NECAP1: variants seen among roughly 807,000 people sequenced by gnomAD.
The protein encoded by NECAP1 is NECAP endocytosis associated 1.
A neutral mutation model predicts 33.4 loss-of-function variants in NECAP1; 13 were observed. The ratio of observed to expected loss-of-function variants is 0.39; its 90% CI spans 0.25 to 0.62. The LOEUF (loss-of-function observed/expected upper bound fraction) is 0.62, where lower values mean the gene tolerates loss of function less well. NECAP1 is among the 20% of genes least tolerant of loss of function. NECAP1 has a pLI of 0.52. For synonymous variants in NECAP1, 109 were observed against 125.2 expected (o/e 0.87, Z 0.86); for missense variants, 272 against 347.4 (o/e 0.78, Z 1.73).
chr12:8,082,426 A>G, intron 1 of NECAP1, 43 bp downstream of exon 1: 1 of 1,550,964 alleles, frequency 6.4e-7, no homozygotes, highest in East Asian at 2.3e-5. Flanking sequence ...ACTCTGTCGC[A>G]GATGACAGCT....
chr12:8,090,182 T>G lies in NECAP1; in HGVS notation c.197-13T>G. On this transcript the variant is annotated splice_polypyrimidine_tract_variant and intron_variant, in intron 2 of 7. Transcript: ENST00000339754. Reference sequence around the variant, plus strand: ...CTTGCTTTACTCAAAAAAGTCTTTCTCTTATCTGTCAGGGGAGCTCTTTGC... The same window carrying G: ...CTTGCTTTACTCAAAAAAGTCTTTCGCTTATCTGTCAGGGGAGCTCTTTGC... 1.9e-6 allele frequency: 3 copies of G among 1,613,856 alleles called. No homozygotes were observed. Among genetic ancestry groups the G allele is most frequent in the Non-Finnish European group, 1.7e-6 (2 of 1,179,730 alleles).
At chr12:8,094,091 C>T (rs1217157233) in intron 6 of NECAP1, among the ~76,000 whole-genome samples, 1 of 152,146 alleles carries the variant, frequency 6.6e-6, no homozygotes, top group Non-Finnish European at 1.5e-5. Context: ...TTGGACAGTG[C>T]AGATAATTTG....
chr12:8,088,209 A>G (rs1254200245), intron 1 of NECAP1, among the ~76,000 whole-genome samples: 2 of 151,846 alleles, frequency 1.3e-5, no homozygotes, highest in Non-Finnish European at 2.9e-5. Context: ...TCTTTCTTGA[A>G]CTCGTCTCAT....
rs542267270 is a variant in NECAP1, at chr12:8,090,749, C to T, written c.301+450C>T. On this transcript the variant is annotated intron_variant, in intron 3 of 7. Coordinates refer to ENST00000339754, the MANE Select transcript of NECAP1 (RefSeq NM_015509.4). ...CTTGAATTGGGGAAGTGGAGGTTGC[C>T]GAGATCACGCCATTGCACTCCAGCC... 16 of 156,520 alleles carry T rather than the reference C, an allele frequency of 1.0e-4. No homozygotes were observed. In the South Asian group the frequency reaches 2.5e-3, roughly 25 times the overall value. 9.7% of individuals were successfully genotyped at this position (156,520 alleles called of 1,614,324 possible).
In NECAP1 at chr12:8,090,195, G is replaced by T; in HGVS notation, c.197G>T (p.Gly66Val). 6.2e-7 allele frequency: 1 copy of T among 1,614,024 alleles called. No homozygotes were observed. The highest frequency in any genetic ancestry group is 8.5e-7 in the Non-Finnish European group (1 of 1,179,948). The part of the protein sequence containing the change: ...AYIKLEDKVS[G>V]ELFAQAPVEQ... Reference sequence around the variant, plus strand: ...AAAAAGTCTTTCTCTTATCTGTCAGGGGAGCTCTTTGCTCAGGCACCAGTA... The same window carrying T: ...AAAAAGTCTTTCTCTTATCTGTCAGTGGAGCTCTTTGCTCAGGCACCAGTA... The change falls in exon 3 of 8, where the codon GGG (glycine) becomes GTG (valine). Residue 66 changes from glycine to valine, a missense_variant and splice_region_variant. By Grantham distance (109) the Gly-to-Val change is moderately radical (BLOSUM62 -3). Transcript: ENST00000339754.
intron 1 of NECAP1, among the ~76,000 whole-genome samples, chr12:8,085,244 T>C (rs1388428373): frequency 6.6e-6 from 1 of 152,216 alleles, no homozygotes; most frequent in Non-Finnish European, 1.5e-5. Flanking sequence ...GGTCTCAAAC[T>C]CTTGACCTCG....
At chr12:8,086,646 A>T (rs1250607777) in intron 1 of NECAP1, among the ~76,000 whole-genome samples, 1 of 152,044 alleles carries the variant, frequency 6.6e-6, no homozygotes, top group Non-Finnish European at 1.5e-5. Context: ...ACAAATGCTT[A>T]GAAAACAATC....
At chr12:8,082,495 G>C in intron 1 of NECAP1, 112 bp downstream of exon 1, 1 of 946,162 alleles carries the variant, frequency 1.1e-6, no homozygotes, top group South Asian at 1.5e-5. Flanking sequence ...TTGTCACCTT[G>C]CTAGCCTCCC....
chr12:8,091,655 A>G (rs1947545227), intron 3 of NECAP1, 114 bp from the exon 4 acceptor site: 2 of 847,160 alleles, frequency 2.4e-6, no homozygotes. Context: ...CTCGTGTGCA[A>G]CTCACCTCCT....
chr12:8,089,703 T>G, intron 1 of NECAP1: 4 of 485,454 alleles, frequency 8.2e-6, no homozygotes, highest in Middle Eastern at 5.5e-4. Context: ...TTTTCCATCT[T>G]TTTAATGATG....
At chr12:8,086,951 A>G (rs1235796959) in intron 1 of NECAP1, among the ~76,000 whole-genome samples, 1 of 151,804 alleles carries the variant, frequency 6.6e-6, no homozygotes, top group Non-Finnish European at 1.5e-5. Flanking sequence ...ACACACACAC[A>G]CACACACACA....
At chr12:8,092,840 C>T in intron 5 of NECAP1, 32 bp from the exon 6 acceptor site, 4 of 1,581,342 alleles carry the variant, frequency 2.5e-6, no homozygotes, top group Non-Finnish European at 3.4e-6. Context: ...CCTATGACAT[C>T]TTTCTCTTGC....
Position 8,097,637 on chromosome 12 carries a change from G to A in NECAP1, c.*1547G>A, listed in dbSNP as rs1698953138. On this transcript the variant is annotated 3_prime_UTR_variant, in exon 8 of 8. Transcript: ENST00000339754. ...TATTTTCTCAATCTTCCTCCATGTT[G>A]TGTTCTTTGTATTCTTGAGATGATA... 1 of 152,502 alleles carries A rather than the reference G, an allele frequency of 6.6e-6. No homozygotes were observed. Among genetic ancestry groups the A allele is most frequent in the African/African-American group, 2.4e-5 (1 of 41,400 alleles). 9.4% of individuals were successfully genotyped at this position (152,502 alleles called of 1,614,324 possible).
chr12:8,087,297 A>G (rs1947500398), intron 1 of NECAP1, among the ~76,000 whole-genome samples: 1 of 151,828 alleles, frequency 6.6e-6, no homozygotes, highest in Non-Finnish European at 1.5e-5. Flanking sequence ...ACTAAGGTAA[A>G]TGAAAATTTG....
At chr12:8,082,596 T>G (rs188082187) in intron 1 of NECAP1, among the ~76,000 whole-genome samples, 23 of 152,200 alleles carry the variant, frequency 1.5e-4, no homozygotes, top group South Asian at 2.1e-4. Context: ...TTGTTTTGTT[T>G]TTTATTAAAT....
In NECAP1 at chr12:8,095,610, T is replaced by C. The variant is rs769713554; in HGVS notation, c.686T>C (p.Leu229Ser). The part of the protein sequence containing the change: ...NHGGSDADIL[L>S]DLDSPAPVTT... ...CTTACCTTGTGTTTAGATATCCTTT[T>C]AGATTTGGATTCTCCTGCTCCTGTC... The change falls in exon 7 of 8, where the codon TTA (leucine) becomes TCA (serine). Residue 229 changes from leucine to serine, a missense_variant. Physicochemically the swap from Leu to Ser is moderately radical, Grantham distance 145 (BLOSUM62 -2). Transcript: ENST00000339754. 6.8e-6 allele frequency: 11 copies of C among 1,610,638 alleles called. No individual in the cohort carries two copies. The highest frequency in any genetic ancestry group is 5.0e-5 in the Admixed American group (3 of 60,008).
At chr12:8,090,419 C>T (rs1333462664) in intron 3 of NECAP1, 120 bp downstream of exon 3, 2 of 883,392 alleles carry the variant, frequency 2.3e-6, no homozygotes, top group Non-Finnish European at 3.5e-6. Flanking sequence ...TCTTCCCTTT[C>T]TCTAAAGTTG....
chr12:8,093,067 A>G lies in NECAP1; in HGVS notation c.676+12A>G. On this transcript the variant is annotated intron_variant, in intron 6 of 7. Transcript: ENST00000339754. Reference sequence around the variant, plus strand: ...AGGCAGTGATGCAGGTAAATCTAGTACTTCTAATTTTGAGAAATCCAATCT... The same window carrying G: ...AGGCAGTGATGCAGGTAAATCTAGTGCTTCTAATTTTGAGAAATCCAATCT... The G allele has an allele frequency of 6.2e-7, 1 of 1,611,588 alleles. No individual in the cohort carries two copies. The highest frequency in any genetic ancestry group is 8.5e-7 in the Non-Finnish European group (1 of 1,178,158).
At chr12:8,090,982 C>G (rs1947538903) in intron 3 of NECAP1, 1 of 152,486 alleles carries the variant, frequency 6.6e-6, no homozygotes, top group African/African-American at 2.4e-5. Context: ...GTCAGGTGGC[C>G]TCTGTTGCAA....
Sources: gnomAD v4.1 joint callset for allele counts (sites outside exome capture counted in the v4.1 genomes callset) on GRCh38, gnomAD v4.1.1 for gene constraint, MANE v1.5 for transcripts, NCBI Gene and HGNC (gene_info 2026-07-23, HGNC 2026-07-21) for gene names.